The following GMDS variants were observed in gnomAD, a reference collection of about 807,000 sequenced individuals.
The protein encoded by GMDS is GDP-mannose 4,6 dehydratase.
A neutral mutation model predicts 49.9 loss-of-function variants in GMDS; 20 were observed. That is an observed-to-expected ratio of 0.40 (90% CI 0.28 to 0.58). The LOEUF is 0.58. GMDS is among the 20% of genes least tolerant of loss of function. The pLI, the probability that GMDS is intolerant of heterozygous loss-of-function variation, is 0.42. For missense variants in GMDS, 362 were observed against 481.4 expected (o/e 0.75, Z 2.32); for synonymous variants, 177 against 178.6 (o/e 0.99, Z 0.07).
At chr6:1,747,474 GCTCATGCGTGTGCGCGCACACACACA>G (rs751597835) in intron 7 of GMDS, among the ~76,000 whole-genome samples, 1 of 5,178 alleles carries the variant, frequency 1.9e-4, no homozygotes, top group East Asian at 0.011. Context: ...ACACACACAC[GCTCATGCGTGTGCGCGCACACACACA>G]CACACACACT....
chr6:1,783,196 G>T (rs1019451122), intron 7 of GMDS, among the ~76,000 whole-genome samples: 3 of 152,064 alleles, frequency 2.0e-5, no homozygotes, highest in Non-Finnish European at 2.9e-5. Flanking sequence ...TAAGAAACTG[G>T]TATAACTAGG....
At chr6:2,243,843 CTTTTTTTTTTTTTTTTTT>C (rs68171156) in intron 1 of GMDS, among the ~76,000 whole-genome samples, 4,776 of 58,806 alleles carry the variant, frequency 0.081, 428 homozygotes, top group African/African-American at 0.26. Context: ...ACTTCTCCTT[CTTTTTTTTTTTTTTTTTT>C]TTTTTTTTTT....
chr6:1,742,691 G>T, intron 7 of GMDS, 105 bp from the exon 8 acceptor site: 1 of 657,050 alleles, frequency 1.5e-6, no homozygotes, highest in Non-Finnish European at 2.7e-6. Flanking sequence ...TGGAACATGA[G>T]CATGAATTTC....
At chr6:2,035,875 C>T (rs1581551393) in intron 4 of GMDS, among the ~76,000 whole-genome samples, 1 of 151,910 alleles carries the variant, frequency 6.6e-6, no homozygotes, top group African/African-American at 2.4e-5. Context: ...TTAGTAAAAA[C>T]GGGGTTTCAC....
chr6:2,225,232 A>G (rs1444624029), intron 1 of GMDS, among the ~76,000 whole-genome samples: 1 of 151,924 alleles, frequency 6.6e-6, no homozygotes, highest in African/African-American at 2.4e-5. Context: ...CGGGAGGCTG[A>G]GGCAGAAGTA....
intron 1 of GMDS, among the ~76,000 whole-genome samples, chr6:2,188,876 C>G (rs1778893841): frequency 6.6e-6 from 1 of 152,114 alleles, no homozygotes; most frequent in African/African-American, 2.4e-5. Context: ...AAGGTGGGCC[C>G]TGGAGAAAGA....
chr6:2,229,162 A>G (rs137924976), intron 1 of GMDS, among the ~76,000 whole-genome samples: 26 of 152,340 alleles, frequency 1.7e-4, no homozygotes, highest in African/African-American at 6.0e-4. Context: ...AGTCTGGTAT[A>G]CAAGAAAAAC....
chr6:1,931,863 C>A (rs1762301449), intron 6 of GMDS, among the ~76,000 whole-genome samples: 1 of 152,034 alleles, frequency 6.6e-6, no homozygotes. Context: ...ATTCTTTTAC[C>A]CAGTGTTGAC....
intron 1 of GMDS, among the ~76,000 whole-genome samples, chr6:2,159,720 T>A (rs1019285281): frequency 6.6e-6 from 1 of 151,718 alleles, no homozygotes; most frequent in Non-Finnish European, 1.5e-5. Flanking sequence ...GGTTTCACCA[T>A]GTTGGCCAAG....
rs34346221 is a variant in GMDS at position 2,208,854 on chromosome 6, T to TAAAA, written c.102+36463_102+36466dup. Reference sequence around the variant, plus strand: ...CTAAGGCCGGTACAGTGGGCTACATTAAAAAAAAAAAAAAAACTATTAGGC... The same window carrying TAAAA: ...CTAAGGCCGGTACAGTGGGCTACATTAAAAAAAAAAAAAAAAAAAACTATTAGGC... On this transcript the variant is annotated intron_variant, in intron 1 of 10. Coordinates refer to ENST00000380815, the MANE Select transcript of GMDS (RefSeq NM_001500.4). Among the ~76,000 whole-genome samples, 776 of 142,434 alleles carry TAAAA rather than the reference T, an allele frequency of 5.4e-3. 3 individuals carry two copies. Among genetic ancestry groups the TAAAA allele is most frequent in the Middle Eastern group, 0.018 (5 of 274 alleles). The allele number at this position is 142,434 out of a possible 152,430, so 93.4% of individuals were successfully genotyped here.
chr6:1,996,106 CCTT>C (rs1766261506), intron 4 of GMDS, among the ~76,000 whole-genome samples: 1 of 151,898 alleles, frequency 6.6e-6, no homozygotes, highest in East Asian at 1.9e-4. Flanking sequence ...TCTTCCTTCT[CCTT>C]CTCCTTCCTC....
At chr6:2,235,007 C>A (rs1006468392) in intron 1 of GMDS, among the ~76,000 whole-genome samples, 2 of 152,118 alleles carry the variant, frequency 1.3e-5, no homozygotes, top group Non-Finnish European at 2.9e-5. Flanking sequence ...TGCCTGTAAT[C>A]CCAGGTACTC....
At chr6:1,643,619 C>A (rs1426436738) in intron 9 of GMDS, among the ~76,000 whole-genome samples, 1 of 152,024 alleles carries the variant, frequency 6.6e-6, no homozygotes, top group Non-Finnish European at 1.5e-5. Context: ...TGCATAGAGA[C>A]AGGGGTGGAG....
At chr6:2,066,385 T>C (rs1426787392) in intron 4 of GMDS, among the ~76,000 whole-genome samples, 2 of 137,326 alleles carry the variant, frequency 1.5e-5, no homozygotes, top group Non-Finnish European at 1.6e-5. Context: ...CCAGCTAACA[T>C]CATAATGACA....
intron 4 of GMDS, among the ~76,000 whole-genome samples, chr6:1,986,246 T>G (rs569642779): frequency 4.9e-4 from 74 of 152,310 alleles, no homozygotes; most frequent in Non-Finnish European, 9.4e-4. Context: ...TTACCTGCTT[T>G]CCCTACCTCA....
chr6:1,821,135 C>A (rs564318957), intron 7 of GMDS, among the ~76,000 whole-genome samples: 1 of 152,290 alleles, frequency 6.6e-6, no homozygotes, highest in South Asian at 2.1e-4. Flanking sequence ...TTGAGAGAAG[C>A]AATTATTACA....
At chr6:1,998,850 T>G (rs1020290738) in intron 4 of GMDS, among the ~76,000 whole-genome samples, 1 of 147,018 alleles carries the variant, frequency 6.8e-6, no homozygotes, top group South Asian at 2.2e-4. Flanking sequence ...GACAGCTGTA[T>G]TAAGCATAAA....
intron 7 of GMDS, among the ~76,000 whole-genome samples, chr6:1,926,883 T>A (rs1404708372): frequency 2.0e-5 from 3 of 152,266 alleles, no homozygotes; most frequent in East Asian, 3.8e-4. Flanking sequence ...GACCCACTTG[T>A]ATTATAGAAC....
At chr6:1,786,187 T>C (rs1421633502) in intron 7 of GMDS, among the ~76,000 whole-genome samples, 1 of 152,254 alleles carries the variant, frequency 6.6e-6, no homozygotes, top group Non-Finnish European at 1.5e-5. Flanking sequence ...AATAACTCCA[T>C]GAAAATGTTT....
Sources: gnomAD v4.1 joint callset for allele counts (sites outside exome capture counted in the v4.1 genomes callset) on GRCh38, gnomAD v4.1.1 for gene constraint, MANE v1.5 for transcripts, NCBI Gene and HGNC (gene_info 2026-07-23, HGNC 2026-07-21) for gene names.